Variants in PPP1R7 observed in about 807,000 individuals in gnomAD.
PPP1R7 encodes the protein protein phosphatase 1 regulatory subunit 22.
In PPP1R7, 18 loss-of-function variants were observed where a neutral mutation model predicts 45.2. The observed-to-expected ratio is 0.40, with a 90% CI of 0.28 to 0.59. PPP1R7 has a LOEUF of 0.59. Among genes scored for constraint, PPP1R7 ranks in the 20% least tolerant of loss-of-function variants. The probability of loss-of-function intolerance (pLI) is 0.46; values close to 1 mark genes in which losing one functional copy is unlikely to be tolerated. For missense variants in PPP1R7, 314 were observed against 455.8 expected, an observed-to-expected ratio of 0.69 and a Z score of 2.83; for synonymous variants, 181 against 183.4, an observed-to-expected ratio of 0.99 and a Z score of 0.11.
intron 9 of PPP1R7, among the ~76,000 whole-genome samples, chr2:241,179,726 T>C (rs748869858): frequency 2.0e-5 from 3 of 152,222 alleles, no homozygotes; most frequent in Non-Finnish European, 2.9e-5. Flanking sequence ...GAGTGTAACA[T>C]CTTTGCCCCA....
intron 2 of PPP1R7, 110 bp downstream of exon 2, chr2:241,153,714 C>T (rs567128184): frequency 1.1e-5 from 15 of 1,428,168 alleles, no homozygotes; most frequent in South Asian, 8.1e-5. Context: ...GAAGGACTGC[C>T]GTGCTCCTTA....
Position 241,183,467 on chromosome 2 carries a change from C to T in PPP1R7, c.*644C>T. The T allele has an allele frequency of 2.1e-6, 1 of 471,116 alleles. No individual in the cohort carries two copies. The highest frequency in any genetic ancestry group is 2.3e-5 in the Admixed American group (1 of 42,564). The allele number at this position is 471,116 out of a possible 1,614,324, so 29.2% of individuals were successfully genotyped here. ...CACATCCCTTGCCTGTGGGTGAAAG[C>T]TCAGGTGTGGGGAGGGTGTCCTGTG... On this transcript the variant is annotated 3_prime_UTR_variant, in exon 10 of 10. Coordinates refer to ENST00000234038, the MANE Select transcript of PPP1R7 (RefSeq NM_002712.3).
In PPP1R7 at chr2:241,160,332, G is replaced by T; in HGVS notation, c.435G>T (p.Glu145Asp). 1 of 1,590,288 alleles carries T rather than the reference G, an allele frequency of 6.3e-7. No homozygotes were observed. Among genetic ancestry groups the T allele is most frequent in the South Asian group, 1.2e-5 (1 of 86,642 alleles). ...IENLEALTEL[E>D]ILDISFNLLR... is the part of the protein sequence containing the mutation. ...AAAAAACTGTTTTGGTTGTTCTCAG[G>T]ATTCTAGATATTTCTTTTAATCTGC... The change falls in exon 6 of 10, where the codon GAG becomes GAT. Residue 145 changes from glutamate (E) to aspartate (D), a missense_variant and splice_region_variant. Coordinates refer to ENST00000234038, the MANE Select transcript of PPP1R7 (RefSeq NM_002712.3).
At chr2:241,177,817 A>G (rs1559428729) in intron 9 of PPP1R7, among the ~76,000 whole-genome samples, 1 of 152,160 alleles carries the variant, frequency 6.6e-6, no homozygotes, top group Non-Finnish European at 1.5e-5. Flanking sequence ...CCAGGGGAGG[A>G]GAAACATTTG....
Position 241,169,710 on chromosome 2 carries a change from C to T in PPP1R7, c.820-71C>T, listed in dbSNP as rs2067781101. Reference sequence around the variant, plus strand: ...GCAGCCCTAAGGTCAGCACTTGACACTGCCTGCGTGGTCATGCAAATCACT... The same window carrying T: ...GCAGCCCTAAGGTCAGCACTTGACATTGCCTGCGTGGTCATGCAAATCACT... On this transcript the variant is annotated intron_variant, in intron 8 of 9. Coordinates refer to ENST00000234038, the MANE Select transcript of PPP1R7 (RefSeq NM_002712.3). 1.1e-5 allele frequency: 14 copies of T among 1,311,340 alleles called. No homozygotes were observed. In the South Asian group the frequency reaches 1.6e-4, roughly 15 times the overall value. The allele number at this position is 1,311,340 out of a possible 1,614,324, so 81.2% of individuals were successfully genotyped here. A position where few individuals can be genotyped will look rare whatever the true frequency, so the allele number is the denominator to read the frequency against.
chr2:241,160,477 G>A lies in PPP1R7; in HGVS notation c.580G>A (p.Gly194Arg). The change falls in exon 6 of 10, where the codon GGA becomes AGA. Residue 194 changes from glycine (G) to arginine (R), a missense_variant. Gly to Arg is a moderately radical substitution (Grantham distance 125). This residue lies in a region of PPP1R7 where 168 missense variants were observed against 285.3 expected (regional missense o/e 0.59). Transcript: ENST00000234038. ...ACATCAACTACAGATGCTAGAGCTG[G>A]GATCTAACCGCATCCGGGTAGGTGC... ...NLHQLQMLELGSNRIRAIENI... is the reference protein window; with the variant it reads ...NLHQLQMLELRSNRIRAIENI... The A allele has an allele frequency of 6.2e-7, 1 of 1,605,728 alleles. No homozygotes were observed.
chr2:241,165,905 A>G (rs1375029262), intron 7 of PPP1R7, among the ~76,000 whole-genome samples: 1 of 107,690 alleles, frequency 9.3e-6, no homozygotes, highest in Non-Finnish European at 1.9e-5. Flanking sequence ...CCCTTTATAT[A>G]TATATATTTT....
At chr2:241,174,911 A>G (rs2067884354) in intron 9 of PPP1R7, among the ~76,000 whole-genome samples, 2 of 151,948 alleles carry the variant, frequency 1.3e-5, no homozygotes, top group South Asian at 2.1e-4. Flanking sequence ...TCCTGACCTC[A>G]TGATCCGCCC....
At position 241,180,334 on chromosome 2, in the gene PPP1R7, AAAG is replaced by A. The variant is rs953399580; in HGVS notation, c.907-2307_907-2305del. On this transcript the variant is annotated intron_variant, in intron 9 of 9. Transcript: ENST00000234038. ...GGGCTTCCCTGGGCCACACTGGAAA[AAAG>A]AAGAATTGTCTTGGGCTACACATAA... Among the ~76,000 whole-genome samples the A allele has an allele frequency of 1.3e-4, 19 of 151,464 alleles. No individual in the cohort carries two copies. The East Asian group carries it at 1.5e-3, about 12-fold the overall frequency.
chr2:241,182,569 G>A, intron 9 of PPP1R7, 78 bp from the exon 10 acceptor site: 1 of 1,539,390 alleles, frequency 6.5e-7, no homozygotes, highest in East Asian at 2.3e-5. Context: ...GGAAGGAGGA[G>A]GGTGGCTAGT....
At chr2:241,171,039 CAG>C (rs1491402754) in intron 9 of PPP1R7, among the ~76,000 whole-genome samples, 16 of 152,148 alleles carry the variant, frequency 1.1e-4, no homozygotes, top group African/African-American at 3.9e-4. Flanking sequence ...AGTCCAGAGA[CAG>C]AGGACCAGGT....
chr2:241,149,930 G>A, upstream of PPP1R7: 1 of 1,430,338 alleles, frequency 7.0e-7, no homozygotes, highest in Non-Finnish European at 9.1e-7. Context: ...CGCCTGCTCC[G>A]AGCGTCAAGA....
intron 9 of PPP1R7, among the ~76,000 whole-genome samples, chr2:241,170,449 T>C (rs2067792856): frequency 6.6e-6 from 1 of 152,152 alleles, no homozygotes; most frequent in Non-Finnish European, 1.5e-5. Context: ...TCTAAAGGGG[T>C]TGGGAAATGA....
At chr2:241,177,890 T>C (rs2067934539) in intron 9 of PPP1R7, among the ~76,000 whole-genome samples, 1 of 152,254 alleles carries the variant, frequency 6.6e-6, no homozygotes, top group Admixed American at 6.5e-5. Context: ...CCCACTGCCC[T>C]GCTGGCACAG....
chr2:241,160,711 G>A (rs571315956), intron 6 of PPP1R7, among the ~76,000 whole-genome samples: 2 of 152,320 alleles, frequency 1.3e-5, no homozygotes, highest in Admixed American at 1.3e-4. Context: ...TCTTCCGCAC[G>A]TAGATTTCAG....
At chr2:241,167,113 A>G in intron 8 of PPP1R7, 1 of 1,595,148 alleles carries the variant, frequency 6.3e-7, no homozygotes, top group South Asian at 1.1e-5. Context: ...AGCTGCCTCC[A>G]GCTCACCCTG....
At chr2:241,159,767 A>G (rs1458221744) in intron 5 of PPP1R7, among the ~76,000 whole-genome samples, 4 of 152,116 alleles carry the variant, frequency 2.6e-5, no homozygotes, top group African/African-American at 9.7e-5. Flanking sequence ...GCAGTGGTGC[A>G]TACCTGTAAT....
intron 9 of PPP1R7, among the ~76,000 whole-genome samples, chr2:241,170,905 G>A (rs1229157794): frequency 1.3e-5 from 2 of 152,154 alleles, no homozygotes; most frequent in Non-Finnish European, 2.9e-5. Flanking sequence ...GAGTCCAGGT[G>A]GGTCTATGTG....
intron 8 of PPP1R7, among the ~76,000 whole-genome samples, chr2:241,169,465 C>T (rs1449543106): frequency 2.0e-5 from 3 of 152,218 alleles, no homozygotes; most frequent in Non-Finnish European, 4.4e-5. Flanking sequence ...TTCCTGGGAC[C>T]ATCAGTCTCA....
Sources: allele counts gnomAD v4.1 joint callset (sites outside exome capture counted in the v4.1 genomes callset), GRCh38; gene constraint gnomAD v4.1.1; regional missense constraint gnomAD v4.1.1; transcripts MANE v1.5; gene names NCBI Gene and HGNC (gene_info 2026-07-23, HGNC 2026-07-21).